Variants in TAF3 observed in about 807,000 individuals in gnomAD.
The protein encoded by TAF3 is transcription initiation factor TFIID subunit 3.
A neutral mutation model predicts 80.6 loss-of-function variants in TAF3; 7 were observed. The observed-to-expected ratio is 0.09, with a 90% CI of 0.05 to 0.16. The LOEUF (loss-of-function observed/expected upper bound fraction) is 0.16, where lower values mean the gene tolerates loss of function less well. TAF3 is among the 10% of genes least tolerant of loss of function. TAF3 has a pLI of 1.00. For missense variants in TAF3, 921 were observed against 1,140.2 expected, an observed-to-expected ratio of 0.81 and a Z score of 2.77; for synonymous variants, 444 against 446.1, an observed-to-expected ratio of 1.00 and a Z score of 0.06.
intron 4 of TAF3, among the ~76,000 whole-genome samples, chr10:7,991,483 C>T (rs939727729): frequency 1.3e-5 from 2 of 151,718 alleles, no homozygotes; most frequent in African/African-American, 4.8e-5. Flanking sequence ...TGTTAAAATC[C>T]TCTTCATTCT....
At chr10:7,831,894 A>AT (rs1283982430) in intron 2 of TAF3, among the ~76,000 whole-genome samples, 2 of 151,128 alleles carry the variant, frequency 1.3e-5, no homozygotes, top group Non-Finnish European at 2.9e-5. Flanking sequence ...TTTAATTTTA[A>AT]TTTTTTTTAA....
chr10:7,847,454 CT>C (rs973010473), intron 2 of TAF3, among the ~76,000 whole-genome samples: 3 of 151,986 alleles, frequency 2.0e-5, no homozygotes, highest in Non-Finnish European at 4.4e-5. Flanking sequence ...TGTTTAAATT[CT>C]TTTTTTTAAG....
chr10:8,013,895 A>G, intron 6 of TAF3, 58 bp downstream of exon 6: 1 of 1,414,806 alleles, frequency 7.1e-7, no homozygotes, highest in Non-Finnish European at 1.0e-6. Context: ...GCCGCTCCTG[A>G]GATGAAGCAT....
intron 2 of TAF3, among the ~76,000 whole-genome samples, chr10:7,939,766 A>G (rs1326453702): frequency 6.6e-6 from 1 of 152,126 alleles, no homozygotes; most frequent in Non-Finnish European, 1.5e-5. Context: ...AGTCAAGGAA[A>G]CCTGAACAGT....
chr10:7,962,678 C>T (rs923281914), intron 2 of TAF3, among the ~76,000 whole-genome samples: 11 of 152,174 alleles, frequency 7.2e-5, no homozygotes, highest in South Asian at 2.1e-4. Context: ...CTATCCCAAA[C>T]GCTGCATAAT....
At position 7,843,321 on chromosome 10, in the gene TAF3, C is replaced by G. The variant is rs1836937691; in HGVS notation, c.409+18761C>G. On this transcript the variant is annotated intron_variant, in intron 2 of 6. Transcript: ENST00000344293. Reference sequence around the variant, plus strand: ...ATGGGCTCTTGCTGTGTTGCCTAGACTGGTCTTGAACTCCTGGGCTCAAGC... The same window carrying G: ...ATGGGCTCTTGCTGTGTTGCCTAGAGTGGTCTTGAACTCCTGGGCTCAAGC... 1.3e-5 allele frequency among the ~76,000 whole-genome samples: 2 copies of G among 151,314 alleles called. 1 individual carries two copies. The highest frequency in any genetic ancestry group is 4.2e-4 in the South Asian group (2 of 4,776).
At chr10:7,825,188 C>G (rs1244473) in intron 2 of TAF3, among the ~76,000 whole-genome samples, 148,015 of 152,320 alleles carry the variant, frequency 0.97, 72,070 homozygotes, top group East Asian at 1. Context: ...TAAGTAATTT[C>G]TGGTCTCTAA....
intron 3 of TAF3, 113 bp downstream of exon 3, chr10:7,965,855 G>A: frequency 7.3e-7 from 1 of 1,363,490 alleles, no homozygotes. Context: ...CATCACTTAA[G>A]TGGAAATATG....
chr10:7,944,060 A>G (rs2131398473), intron 2 of TAF3, among the ~76,000 whole-genome samples: 1 of 150,234 alleles, frequency 6.7e-6, no homozygotes, highest in South Asian at 2.1e-4. Context: ...TGTACTTTTG[A>G]AATTATTCAC....
intron 2 of TAF3, among the ~76,000 whole-genome samples, chr10:7,888,644 CACCAAATGGAAA>C: frequency 6.6e-6 from 1 of 152,116 alleles, no homozygotes; most frequent in East Asian, 1.9e-4. Context: ...TAAGTGCCCT[CACCAAATGGAAA>C]AGGGTCTTTA....
chr10:7,987,197 C>A (rs1358469492), intron 4 of TAF3, among the ~76,000 whole-genome samples: 3 of 152,106 alleles, frequency 2.0e-5, no homozygotes, highest in African/African-American at 7.2e-5. Flanking sequence ...TGGCATGTGC[C>A]TTTAGTCCCA....
At chr10:7,883,204 A>G (rs1316394759) in intron 2 of TAF3, among the ~76,000 whole-genome samples, 1 of 152,214 alleles carries the variant, frequency 6.6e-6, no homozygotes, top group Admixed American at 6.5e-5. Flanking sequence ...GCATTCAGTC[A>G]GCCTTTCTCT....
At chr10:7,913,107 A>G (rs1837672795) in intron 2 of TAF3, among the ~76,000 whole-genome samples, 1 of 152,026 alleles carries the variant, frequency 6.6e-6, no homozygotes, top group South Asian at 2.1e-4. Flanking sequence ...CACGCCCGTG[A>G]TGTCTCTCTT....
chr10:7,978,490 T>G (rs930759660), intron 4 of TAF3, among the ~76,000 whole-genome samples: 1 of 152,184 alleles, frequency 6.6e-6, no homozygotes, highest in African/African-American at 2.4e-5. Context: ...TCACCTAAAT[T>G]CTCTGGATAA....
chr10:7,968,514 A>G (rs1255706744), intron 3 of TAF3, among the ~76,000 whole-genome samples: 1 of 152,192 alleles, frequency 6.6e-6, no homozygotes, highest in Non-Finnish European at 1.5e-5. Context: ...TTAATCCTTA[A>G]GTATTTCATC....
At chr10:7,945,572 G>A (rs1838016752) in intron 2 of TAF3, among the ~76,000 whole-genome samples, 1 of 152,034 alleles carries the variant, frequency 6.6e-6, no homozygotes, top group Non-Finnish European at 1.5e-5. Flanking sequence ...GGCCAGGCCT[G>A]CCCTCGCACT....
At chr10:7,934,129 T>C (rs1240040078) in intron 2 of TAF3, among the ~76,000 whole-genome samples, 3 of 152,306 alleles carry the variant, frequency 2.0e-5, no homozygotes, top group Middle Eastern at 6.8e-3. Flanking sequence ...TGAAAAATCA[T>C]TCGGAAGAAT....
chr10:7,882,780 C>T (rs186053558), intron 2 of TAF3, among the ~76,000 whole-genome samples: 134 of 152,238 alleles, frequency 8.8e-4, no homozygotes, highest in African/African-American at 3.0e-3. Context: ...TACACCTGGG[C>T]TTTATTTTTT....
At chr10:7,974,343 G>T (rs535463101) in intron 3 of TAF3, among the ~76,000 whole-genome samples, 17 of 152,156 alleles carry the variant, frequency 1.1e-4, no homozygotes, top group Non-Finnish European at 1.8e-4. Context: ...CGGTTTGTGG[G>T]CAAGTTGATA....
Sources: gnomAD v4.1 joint callset for allele counts (sites outside exome capture counted in the v4.1 genomes callset) on GRCh38, gnomAD v4.1.1 for gene constraint, MANE v1.5 for transcripts, NCBI Gene and HGNC (gene_info 2026-07-23, HGNC 2026-07-21) for gene names.